KCNIP4: variants seen among roughly 807,000 people sequenced by gnomAD.
The protein encoded by KCNIP4 is Kv channel-interacting protein 4.
Under a neutral mutation model 34.0 loss-of-function variants are expected in KCNIP4, and 12 were observed. That is an observed-to-expected ratio of 0.35 (90% CI 0.23 to 0.57). The LOEUF (loss-of-function observed/expected upper bound fraction) is 0.57. Ranked by LOEUF, KCNIP4 falls within the 20% of genes least tolerant of loss-of-function variation. KCNIP4 has a pLI of 0.83. For missense variants in KCNIP4, 238 were observed against 311.7 expected (o/e 0.76, Z 1.78); for synonymous variants, 124 against 102.2 (o/e 1.21, Z -1.29).
At chr4:21,559,413 C>G (rs1277234563) in intron 1 of KCNIP4, among the ~76,000 whole-genome samples, 1 of 152,044 alleles carries the variant, frequency 6.6e-6, no homozygotes, top group Admixed American at 6.6e-5. Flanking sequence ...TAGGTACTGG[C>G]AAATGAAAGT....
At chr4:21,944,114 CAA>C (rs1449004055) in intron 1 of KCNIP4, among the ~76,000 whole-genome samples, 2 of 151,790 alleles carry the variant, frequency 1.3e-5, no homozygotes, top group Non-Finnish European at 2.9e-5. Context: ...ACTATACACT[CAA>C]GAGATAACTC....
At chr4:20,906,506 A>G (rs1388728138) in intron 1 of KCNIP4, among the ~76,000 whole-genome samples, 1 of 152,156 alleles carries the variant, frequency 6.6e-6, no homozygotes, top group Admixed American at 6.5e-5. Context: ...CAGGAACTCC[A>G]CTAGACATAA....
rs1217885355 is a variant in KCNIP4, at chr4:21,773,741, TG to T, written c.61+174829del. 6.1e-3 allele frequency among the ~76,000 whole-genome samples: 135 copies of T among 22,078 alleles called. 1 individual carries two copies. The highest frequency in any genetic ancestry group is 0.034 in the African/African-American group (125 of 3,630). 14.5% of individuals were successfully genotyped at this position (22,078 alleles called of 152,430 possible). On this transcript the variant is annotated intron_variant, in intron 1 of 8. Transcript: ENST00000382152. ...TAGCATTGCAACCCCTGTTTTTTTTTGTTGTTTTTTTTTTTTTGTTTGTTTG... is the reference window on the plus strand; with the variant it reads ...TAGCATTGCAACCCCTGTTTTTTTTTTTGTTTTTTTTTTTTTGTTTGTTTG...
intron 1 of KCNIP4, among the ~76,000 whole-genome samples, chr4:20,973,377 C>A (rs1029849304): frequency 1.3e-5 from 2 of 152,160 alleles, no homozygotes; most frequent in African/African-American, 4.8e-5. Context: ...CCTCTCTCAG[C>A]CTTCACAGAG....
intron 1 of KCNIP4, among the ~76,000 whole-genome samples, chr4:21,789,573 G>T (rs547186772): frequency 6.6e-6 from 1 of 152,318 alleles, no homozygotes; most frequent in South Asian, 2.1e-4. Context: ...GGGTCACAGA[G>T]GGGTGGAGGT....
intron 1 of KCNIP4, among the ~76,000 whole-genome samples, chr4:21,137,879 T>G (rs1186034553): frequency 8.8e-6 from 1 of 113,052 alleles, no homozygotes; most frequent in Non-Finnish European, 2.0e-5. Flanking sequence ...GGCTTTTTTG[T>G]TTTTTTTTTT....
chr4:21,056,950 C>A (rs1164874154), intron 1 of KCNIP4, among the ~76,000 whole-genome samples: 1 of 152,138 alleles, frequency 6.6e-6, no homozygotes, highest in Non-Finnish European at 1.5e-5. Flanking sequence ...CTGACTGATA[C>A]ACAACTGGTA....
intron 1 of KCNIP4, among the ~76,000 whole-genome samples, chr4:21,305,472 T>TTCC (rs1476285218): frequency 6.6e-6 from 1 of 152,230 alleles, no homozygotes; most frequent in Non-Finnish European, 1.5e-5. Context: ...TCGGGTGCTT[T>TTCC]TCACAAGTGT....
chr4:20,891,176 C>T (rs13143622), intron 1 of KCNIP4, among the ~76,000 whole-genome samples: 8,931 of 152,166 alleles, frequency 0.059, 284 homozygotes, highest in Middle Eastern at 0.12. Flanking sequence ...TTCACAGTCC[C>T]GATCAGCTTC....
chr4:21,820,326 CATATAT>C lies in KCNIP4; in HGVS notation c.61+128239_61+128244del, dbSNP rs1722279970. Among the ~76,000 whole-genome samples the C allele has an allele frequency of 1.6e-3, 195 of 123,010 alleles. 1 individual carries two copies. The highest frequency in any genetic ancestry group is 7.0e-3 in the African/African-American group (185 of 26,602). 80.7% of individuals were successfully genotyped at this position (123,010 alleles called of 152,430 possible). On this transcript the variant is annotated intron_variant, in intron 1 of 8. Coordinates refer to ENST00000382152, the MANE Select transcript of KCNIP4 (RefSeq NM_025221.6). ...ATATATATATATATATATATATATA[CATATAT>C]ACACATACACACACACACATACAGG...
At chr4:20,739,277 G>C (rs1053004159) in intron 5 of KCNIP4, among the ~76,000 whole-genome samples, 1 of 152,216 alleles carries the variant, frequency 6.6e-6, no homozygotes, top group Non-Finnish European at 1.5e-5. Flanking sequence ...CAGACAGACT[G>C]CCTCCTCAAG....
chr4:20,892,167 C>G (rs775332347), intron 1 of KCNIP4, among the ~76,000 whole-genome samples: 19 of 152,104 alleles, frequency 1.2e-4, no homozygotes, highest in Non-Finnish European at 2.1e-4. Context: ...CAGAAAATGA[C>G]CTTCCTAATT....
At chr4:21,548,663 A>AC (rs1738328937) in intron 1 of KCNIP4, among the ~76,000 whole-genome samples, 1 of 151,998 alleles carries the variant, frequency 6.6e-6, no homozygotes, top group African/African-American at 2.4e-5. Flanking sequence ...CATATACAAA[A>AC]AAAAAATGGA....
chr4:21,695,929 G>T (rs574590608), intron 1 of KCNIP4, among the ~76,000 whole-genome samples: 12 of 151,756 alleles, frequency 7.9e-5, no homozygotes, highest in African/African-American at 2.9e-4. Flanking sequence ...AAGCTAATAT[G>T]CAGGTAATGT....
intron 1 of KCNIP4, among the ~76,000 whole-genome samples, chr4:21,405,989 C>T (rs1029178489): frequency 9.8e-5 from 15 of 152,298 alleles, no homozygotes; most frequent in South Asian, 4.1e-4. Flanking sequence ...GCATGCACCA[C>T]CAAGCCCGGC....
chr4:21,075,157 C>G, intron 1 of KCNIP4, among the ~76,000 whole-genome samples: 1 of 152,180 alleles, frequency 6.6e-6, no homozygotes, highest in East Asian at 1.9e-4. Context: ...ATTAGGTCCG[C>G]TTGGTGCAGA....
intron 1 of KCNIP4, among the ~76,000 whole-genome samples, chr4:20,904,640 T>G (rs1272844282): frequency 1.3e-5 from 2 of 152,118 alleles, no homozygotes; most frequent in Non-Finnish European, 2.9e-5. Flanking sequence ...GATTGGAGAG[T>G]CCTTAACAAA....
At chr4:20,871,654 T>A (rs1723473382) in intron 2 of KCNIP4, among the ~76,000 whole-genome samples, 1 of 152,140 alleles carries the variant, frequency 6.6e-6, no homozygotes, top group Non-Finnish European at 1.5e-5. Flanking sequence ...GCAGCATGGC[T>A]GTATTTAACA....
At chr4:21,367,513 G>A (rs1178539484) in intron 1 of KCNIP4, among the ~76,000 whole-genome samples, 3 of 148,534 alleles carry the variant, frequency 2.0e-5, no homozygotes, top group South Asian at 4.2e-4. Context: ...TTGAAAGGAA[G>A]ATCAAAACCA....
Sources: gnomAD v4.1 joint callset for allele counts (sites outside exome capture counted in the v4.1 genomes callset) on GRCh38, gnomAD v4.1.1 for gene constraint, MANE v1.5 for transcripts, NCBI Gene and HGNC (gene_info 2026-07-23, HGNC 2026-07-21) for gene names.